The following DSCC1 variants were observed in gnomAD, a reference collection of about 807,000 sequenced individuals.
DSCC1 encodes sister chromatid cohesion protein DCC1.
In DSCC1, 32 loss-of-function variants were observed where a neutral mutation model predicts 48.2. The observed-to-expected ratio is 0.66, with a 90% confidence interval of 0.50 to 0.89. The LOEUF (loss-of-function observed/expected upper bound fraction) is 0.89. Among genes scored for constraint, DSCC1 ranks in the 40% least tolerant of loss-of-function variants. The pLI, the probability that DSCC1 is intolerant of heterozygous loss-of-function variation, is 0.00. For missense variants in DSCC1, 421 were observed against 471.7 expected (o/e 0.89, Z 1.00); for synonymous variants, 150 against 171.5 (o/e 0.87, Z 0.98).
At chr8:119,844,847 T>C (rs574171624) in intron 4 of DSCC1, among the ~76,000 whole-genome samples, 205 of 152,276 alleles carry the variant, frequency 1.3e-3, no homozygotes, top group Non-Finnish European at 2.3e-3. Flanking sequence ...AGGTTCAATA[T>C]TCATGATAAT....
At chr8:119,847,655 TTTC>T (rs1482308988) in intron 3 of DSCC1, among the ~76,000 whole-genome samples, 1 of 128,222 alleles carries the variant, frequency 7.8e-6, no homozygotes, top group Non-Finnish European at 1.7e-5. Context: ...AATTTTATTT[TTTC>T]TTCTTTTTCT....
At position 119,850,504 on chromosome 8, in the gene DSCC1, A is replaced by C. The variant is rs756073898; in HGVS notation, c.364T>G (p.Ser122Ala). Reference protein sequence around the residue: ...NIIHTEIFGFSNNYWELRRRR... With the variant: ...NIIHTEIFGFANNYWELRRRR... ...CTTCTTAATTCCCAATAATTATTAGAAAAACCAAAGATCTAGAAATTATAT... is the reference window on the plus strand; with the variant it reads ...CTTCTTAATTCCCAATAATTATTAGCAAAACCAAAGATCTAGAAATTATAT... Residue 122 changes from serine (S) to alanine (A), a missense_variant, in exon 3 of 9, where the codon TCT (serine) becomes GCT (alanine). This residue lies in a region of DSCC1 where 174 missense variants were observed against 184.5 expected (regional missense o/e 0.94). Coordinates refer to ENST00000313655, the MANE Select transcript of DSCC1 (RefSeq NM_024094.3). 1 of 1,569,046 alleles carries C rather than the reference A, an allele frequency of 6.4e-7. No homozygotes were observed. The highest frequency in any genetic ancestry group is 8.6e-7 in the Non-Finnish European group (1 of 1,166,134).
chr8:119,847,499 G>A (rs1429358145), intron 3 of DSCC1, among the ~76,000 whole-genome samples: 2 of 152,156 alleles, frequency 1.3e-5, no homozygotes, highest in Admixed American at 6.5e-5. Flanking sequence ...AGGGGCTGAG[G>A]GGACAGGGGA....
intron 8 of DSCC1, among the ~76,000 whole-genome samples, chr8:119,836,591 G>C (rs1826688114): frequency 6.6e-6 from 1 of 152,074 alleles, no homozygotes; most frequent in Non-Finnish European, 1.5e-5. Context: ...TGTTAACTGT[G>C]TTAAGGATGA....
intron 5 of DSCC1, among the ~76,000 whole-genome samples, chr8:119,843,121 T>TTA (rs201870479): frequency 0.013 from 1,055 of 83,912 alleles, 13 homozygotes; most frequent in African/African-American, 0.07. Flanking sequence ...TTTATTTTAT[T>TTA]TTTTTTTTTT....
rs991563488 is a variant in DSCC1, at chr8:119,853,190, C to G, written c.208G>C (p.Glu70Gln). 15 of 1,610,638 alleles carry G rather than the reference C, an allele frequency of 9.3e-6. No individual in the cohort carries two copies. The highest frequency in any genetic ancestry group is 6.7e-5 in the East Asian group (3 of 44,802). Residue 70 changes from glutamate (E) to glutamine (Q), a missense_variant, in exon 2 of 9, where the codon GAG (glutamate) becomes CAG (glutamine). Coordinates refer to ENST00000313655, the MANE Select transcript of DSCC1 (RefSeq NM_024094.3). Reference sequence around the variant, plus strand: ...TCTTTACTGCACAGCACAGCTTGCTCGTCTTTATCACCACGAATCACAAGA... The same window carrying G: ...TCTTTACTGCACAGCACAGCTTGCTGGTCTTTATCACCACGAATCACAAGA... ...HSLVIRGDKD[E>Q]QAVLCSKDKT...
At position 119,849,078 on chromosome 8, in the gene DSCC1, G is replaced by A. The variant is rs1170682029; in HGVS notation, c.486+1304C>T. ...CGGGCGCCTGTAGTCCCAGCTATTC[G>A]GGAGGCTGAGGCAGGAGAATGGCGT... On this transcript the variant is annotated intron_variant, in intron 3 of 8. Transcript: ENST00000313655. Among the ~76,000 whole-genome samples, 13 of 151,796 alleles carry A rather than the reference G, an allele frequency of 8.6e-5. No individual in the cohort carries two copies. In the East Asian group the frequency reaches 1.2e-3, roughly 14 times the overall value.
intron 6 of DSCC1, among the ~76,000 whole-genome samples, chr8:119,842,263 G>A (rs1826783730): frequency 6.6e-6 from 1 of 151,924 alleles, no homozygotes; most frequent in Non-Finnish European, 1.5e-5. Flanking sequence ...TAGTAGAGAT[G>A]GGGTTTCACC....
chr8:119,849,296 T>A (rs1031390731), intron 3 of DSCC1, among the ~76,000 whole-genome samples: 4 of 150,918 alleles, frequency 2.7e-5, no homozygotes, highest in African/African-American at 9.8e-5. Flanking sequence ...ATCCCAGCTA[T>A]TCGGGAGGCT....
At chr8:119,840,805 G>A (rs961833412) in intron 7 of DSCC1, among the ~76,000 whole-genome samples, 41 of 151,590 alleles carry the variant, frequency 2.7e-4, no homozygotes, top group Admixed American at 1.8e-3. Context: ...CTAGCTACTC[G>A]GGAGCCTGAG....
Position 119,853,082 on chromosome 8 carries a change from T to C in DSCC1, c.316A>G (p.Lys106Glu), listed in dbSNP as rs774099268. The C allele has an allele frequency of 4.9e-5, 79 of 1,613,854 alleles. No homozygotes were observed. The South Asian group carries it at 6.0e-4, about 12-fold the overall frequency. ...PGCKTPDQLK[K>E]EDSHCNIIHT... ...ATAATGTTACAGTGTGAATCTTCCT[T>C]CTTCAACTGGTCCGGAGTTTTACAA... is the stretch of plus-strand genomic sequence containing the variant. The change falls in exon 2 of 9, where the codon AAG (lysine) becomes GAG (glutamate). Residue 106 changes from lysine (K) to glutamate (E), a missense_variant. Physicochemically the swap from Lys to Glu is moderately conservative, Grantham distance 56 (BLOSUM62 1). This residue lies in a region of DSCC1 where 174 missense variants were observed against 184.5 expected (regional missense o/e 0.94). Coordinates refer to ENST00000313655, the MANE Select transcript of DSCC1 (RefSeq NM_024094.3).
At chr8:119,842,082 G>A in intron 6 of DSCC1, 134 bp from the exon 7 acceptor site, 4 of 902,434 alleles carry the variant, frequency 4.4e-6, no homozygotes, top group South Asian at 2.0e-5. Flanking sequence ...CCCATAGTTC[G>A]TTTTTTTTTG....
At chr8:119,845,208 C>A (rs961810024) in intron 4 of DSCC1, among the ~76,000 whole-genome samples, 1 of 152,060 alleles carries the variant, frequency 6.6e-6, no homozygotes, top group African/African-American at 2.4e-5. Context: ...GCCTTAGCCT[C>A]CTGAGTAGCT....
chr8:119,849,202 A>G (rs1172320002), intron 3 of DSCC1, among the ~76,000 whole-genome samples: 6 of 147,824 alleles, frequency 4.1e-5, no homozygotes, highest in Non-Finnish European at 7.5e-5. Flanking sequence ...AAAAAAAAAA[A>G]AAAAGACTAG....
chr8:119,840,690 TC>T (rs1418471562), intron 7 of DSCC1, among the ~76,000 whole-genome samples: 1 of 152,066 alleles, frequency 6.6e-6, no homozygotes, highest in African/African-American at 2.4e-5. Flanking sequence ...GGTGGGCAGA[TC>T]ACCTGAGGTC....
chr8:119,849,204 A>AAG (rs1454635139), intron 3 of DSCC1, among the ~76,000 whole-genome samples: 6 of 145,724 alleles, frequency 4.1e-5, no homozygotes, highest in African/African-American at 1.6e-4. Context: ...AAAAAAAAAA[A>AAG]AAGACTAGCC....
intron 4 of DSCC1, 34 bp from the exon 5 acceptor site, chr8:119,843,781 C>T (rs1826810216): frequency 4.7e-6 from 6 of 1,263,548 alleles, no homozygotes; most frequent in Non-Finnish European, 6.6e-6. Context: ...TACCAAAGAA[C>T]TTTTTTTTTT....
In DSCC1 at chr8:119,844,120, C is replaced by T. The variant is rs1439634841; in HGVS notation, c.578-373G>A. Among the ~76,000 whole-genome samples the T allele has an allele frequency of 3.3e-5, 5 of 152,080 alleles. No individual in the cohort carries two copies. In the East Asian group the frequency reaches 7.8e-4, roughly 24 times the overall value. On this transcript the variant is annotated intron_variant, in intron 4 of 8. Coordinates refer to ENST00000313655, the MANE Select transcript of DSCC1 (RefSeq NM_024094.3). Reference sequence around the variant, plus strand: ...ACTAGCTAATAGATTGACAAAGTCACAGCATACTTTTGCTCACTGCAAAAA... The same window carrying T: ...ACTAGCTAATAGATTGACAAAGTCATAGCATACTTTTGCTCACTGCAAAAA...
At chr8:119,842,499 C>T (rs1826788008) in intron 6 of DSCC1, among the ~76,000 whole-genome samples, 1 of 151,904 alleles carries the variant, frequency 6.6e-6, no homozygotes, top group African/African-American at 2.4e-5. Context: ...CCTCCCACCT[C>T]GGATTCCTGA....
Sources: allele counts gnomAD v4.1 joint callset (sites outside exome capture counted in the v4.1 genomes callset), GRCh38; gene constraint gnomAD v4.1.1; regional missense constraint gnomAD v4.1.1; transcripts MANE v1.5; gene names NCBI Gene and HGNC (gene_info 2026-07-23, HGNC 2026-07-21).